TENM4: variants seen among roughly 807,000 people sequenced by gnomAD.
The protein encoded by TENM4 is teneurin-4.
In TENM4, 82 loss-of-function variants were observed where a neutral mutation model predicts 243.3. That is an observed-to-expected ratio of 0.34 (90% CI 0.28 to 0.40). The LOEUF is 0.40. TENM4 is among the 10% of genes least tolerant of loss of function. The pLI is 1.00. For synonymous variants in TENM4, 1,412 were observed against 1,456.3 expected (o/e 0.97, Z 0.69); for missense variants, 3,138 against 3,673.3 (o/e 0.85, Z 3.77).
chr11:78,935,541 A>G (rs1298434410), intron 6 of TENM4, among the ~76,000 whole-genome samples: 7 of 152,234 alleles, frequency 4.6e-5, no homozygotes, highest in African/African-American at 1.7e-4. Context: ...GAATCTGTTT[A>G]ACTATACAGT....
intron 1 of TENM4, among the ~76,000 whole-genome samples, chr11:79,422,754 G>A (rs567290050): frequency 6.6e-6 from 1 of 152,306 alleles, no homozygotes; most frequent in South Asian, 2.1e-4. Context: ...AACAGAGGGA[G>A]GGAGGGTCTG....
At chr11:78,717,527 G>C (rs943385331) in intron 25 of TENM4, among the ~76,000 whole-genome samples, 1 of 152,192 alleles carries the variant, frequency 6.6e-6, no homozygotes, top group South Asian at 2.1e-4. Context: ...TATAGCCTCA[G>C]TTTTCTGAAG....
chr11:78,793,456 G>A (rs192817308), intron 15 of TENM4, among the ~76,000 whole-genome samples: 6 of 152,242 alleles, frequency 3.9e-5, no homozygotes, highest in East Asian at 3.9e-4. Flanking sequence ...TTTTGCTGAG[G>A]ACCTGAGATT....
chr11:79,229,831 C>G (rs1450032538), intron 2 of TENM4, among the ~76,000 whole-genome samples: 1 of 148,240 alleles, frequency 6.7e-6, no homozygotes, highest in Non-Finnish European at 1.5e-5. Flanking sequence ...ATTTCCTACA[C>G]TTTTTTTTTT....
chr11:79,142,881 G>T (rs552508196), intron 4 of TENM4, among the ~76,000 whole-genome samples: 109 of 152,124 alleles, frequency 7.2e-4, no homozygotes, highest in African/African-American at 2.5e-3. Context: ...ACACACTGGG[G>T]AAAGGACACT....
chr11:79,162,356 T>C (rs1862766443), intron 3 of TENM4, among the ~76,000 whole-genome samples: 1 of 152,214 alleles, frequency 6.6e-6, no homozygotes, highest in Admixed American at 6.5e-5. Context: ...ATAGAAATGT[T>C]GTATTAGTTA....
intron 21 of TENM4, among the ~76,000 whole-genome samples, chr11:78,730,993 A>G (rs930278777): frequency 5.9e-5 from 9 of 152,206 alleles, no homozygotes; most frequent in South Asian, 2.1e-4. Context: ...TTTAAAATTC[A>G]TATCTCCCAG....
intron 6 of TENM4, among the ~76,000 whole-genome samples, chr11:78,926,557 C>A (rs1209505079): frequency 3.3e-5 from 5 of 152,048 alleles, no homozygotes; most frequent in Non-Finnish European, 5.9e-5. Context: ...CAGGCATGAA[C>A]CACTATGCCT....
chr11:79,388,827 A>G (rs58400561), intron 1 of TENM4, among the ~76,000 whole-genome samples: 4,374 of 152,240 alleles, frequency 0.029, 218 homozygotes, highest in African/African-American at 0.1. Context: ...AAAACTGGAG[A>G]GGAGAGGGCA....
At chr11:79,261,120 G>A (rs778709750) in intron 2 of TENM4, among the ~76,000 whole-genome samples, 1 of 152,206 alleles carries the variant, frequency 6.6e-6, no homozygotes, top group Non-Finnish European at 1.5e-5. Flanking sequence ...GGTTGGAGAG[G>A]GAGGCTGTCT....
At chr11:79,375,031 A>G (rs1049605569) in intron 1 of TENM4, among the ~76,000 whole-genome samples, 2 of 152,226 alleles carry the variant, frequency 1.3e-5, no homozygotes, top group African/African-American at 2.4e-5. Flanking sequence ...AAGAAATGAG[A>G]GAGAGGGATT....
chr11:78,697,998 C>A (rs1376996463), intron 28 of TENM4, among the ~76,000 whole-genome samples: 1 of 152,182 alleles, frequency 6.6e-6, no homozygotes, highest in Non-Finnish European at 1.5e-5. Flanking sequence ...AGGAAAGTAA[C>A]CTTGATTCTC....
chr11:79,247,917 G>A (rs939927663), intron 2 of TENM4, among the ~76,000 whole-genome samples: 3 of 152,216 alleles, frequency 2.0e-5, no homozygotes, highest in Admixed American at 2.0e-4. Flanking sequence ...GGAAACTGAG[G>A]TAAAGGGCAA....
intron 18 of TENM4, among the ~76,000 whole-genome samples, chr11:78,765,767 G>C (rs1398269747): frequency 1.3e-5 from 2 of 152,214 alleles, no homozygotes; most frequent in African/African-American, 4.8e-5. Flanking sequence ...TTGTTGTAAA[G>C]GCTGGAGATG....
In TENM4 at chr11:78,708,481, G is replaced by T; in HGVS notation, c.4089C>A (p.Phe1363Leu). The T allele has an allele frequency of 6.2e-7, 1 of 1,613,974 alleles. No individual in the cohort carries two copies. Among genetic ancestry groups the T allele is most frequent in the Non-Finnish European group, 8.5e-7 (1 of 1,179,888 alleles). The change falls in exon 27 of 34, where the codon TTC (phenylalanine) becomes TTA (leucine). Residue 1363 changes from phenylalanine (F) to leucine (L), a missense_variant. Physicochemically the swap from Phe to Leu is conservative, Grantham distance 22. Transcript: ENST00000278550. Reference sequence around the variant, plus strand: ...TGCGTCTGATCATGGTGCCATCCACGAAGTAGATCAGCCCAAACTTGTCCA... The same window carrying T: ...TGCGTCTGATCATGGTGCCATCCACTAAGTAGATCAGCCCAAACTTGTCCA... The part of the protein sequence containing the change: ...ITVDKFGLIY[F>L]VDGTMIRRID...
At chr11:79,019,967 T>C (rs538363066) in intron 6 of TENM4, among the ~76,000 whole-genome samples, 2 of 152,296 alleles carry the variant, frequency 1.3e-5, no homozygotes, top group African/African-American at 4.8e-5. Context: ...TGGTATTCTG[T>C]TGCTATTACT....
intron 1 of TENM4, among the ~76,000 whole-genome samples, chr11:79,379,506 T>A (rs142257203): frequency 1.2e-3 from 177 of 152,142 alleles, no homozygotes; most frequent in African/African-American, 4.0e-3. Flanking sequence ...GTGGTCCAAT[T>A]TGAGATGGAG....
chr11:79,303,364 T>C (rs1460261591), intron 1 of TENM4, among the ~76,000 whole-genome samples: 2 of 152,172 alleles, frequency 1.3e-5, no homozygotes, highest in African/African-American at 4.8e-5. Context: ...TCATTTGAAA[T>C]GTGGGGATAG....
chr11:79,401,211 A>G (rs76665845), intron 1 of TENM4, among the ~76,000 whole-genome samples: 1,693 of 152,260 alleles, frequency 0.011, 33 homozygotes, highest in African/African-American at 0.039. Flanking sequence ...TCCTTTAAAG[A>G]ACAAGCATGT....
Sources: gnomAD v4.1 joint callset for allele counts (sites outside exome capture counted in the v4.1 genomes callset) on GRCh38, gnomAD v4.1.1 for gene constraint, MANE v1.5 for transcripts, NCBI Gene and HGNC (gene_info 2026-07-23, HGNC 2026-07-21) for gene names.